CRTAC1: variants seen among roughly 807,000 people sequenced by gnomAD.
CRTAC1 encodes acidic secreted protein in cartilage.
A neutral mutation model predicts 67.8 loss-of-function variants in CRTAC1; 37 were observed. The ratio of observed to expected loss-of-function variants is 0.55; its 90% CI spans 0.42 to 0.72. The LOEUF (loss-of-function observed/expected upper bound fraction) is 0.72. Ranked by LOEUF, CRTAC1 falls within the 30% of genes least tolerant of loss-of-function variation. The pLI is 0.00. For missense variants in CRTAC1, 780 were observed against 931.6 expected, an observed-to-expected ratio of 0.84 and a Z score of 2.12; for synonymous variants, 348 against 371.0, an observed-to-expected ratio of 0.94 and a Z score of 0.71.
rs747662466 is a variant in CRTAC1, at chr10:98,011,148, C to T, written c.214G>A (p.Val72Ile). The change falls in exon 2 of 15, where the codon GTC (valine) becomes ATC (isoleucine). Residue 72 changes from valine (V) to isoleucine (I), a missense_variant. By Grantham distance (29) the Val-to-Ile change is conservative (BLOSUM62 3). Transcript: ENST00000370597. ...DVDHDGDFEI[V>I]VAGYNGPNLV... Reference sequence around the variant, plus strand: ...GTGGGAGGCACTTACCCCGCCACGACGATCTCAAAGTCCCCATCATGGTCC... The same window carrying T: ...GTGGGAGGCACTTACCCCGCCACGATGATCTCAAAGTCCCCATCATGGTCC... 15 of 1,613,988 alleles carry T rather than the reference C, an allele frequency of 9.3e-6. No homozygotes were observed. Among genetic ancestry groups the T allele is most frequent in the Admixed American group, 5.0e-5 (3 of 60,006 alleles).
At chr10:97,923,444 G>A (rs2136596605) in intron 3 of CRTAC1, 44 bp from the exon 4 acceptor site, 1 of 1,612,330 alleles carries the variant, frequency 6.2e-7, no homozygotes, top group Non-Finnish European at 8.5e-7. Context: ...AGTGGATCAG[G>A]GTCTTGGTTC....
chr10:97,917,775 G>T, intron 4 of CRTAC1, 119 bp from the exon 5 acceptor site: 2 of 731,020 alleles, frequency 2.7e-6, no homozygotes, highest in Admixed American at 3.7e-5. Context: ...TTCTCCCCAG[G>T]TCTGTTGCAA....
At chr10:98,011,637 A>G (rs1479659191) in intron 1 of CRTAC1, among the ~76,000 whole-genome samples, 1 of 152,144 alleles carries the variant, frequency 6.6e-6, no homozygotes, top group Non-Finnish European at 1.5e-5. Flanking sequence ...TACACTTATT[A>G]TTTATTGTGT....
chr10:97,895,793 C>T lies in CRTAC1; in HGVS notation c.1317+92G>A, dbSNP rs536679638. 3.0e-5 allele frequency: 32 copies of T among 1,071,588 alleles called. No homozygotes were observed. In the East Asian group the frequency reaches 7.0e-4, roughly 24 times the overall value. The allele number at this position is 1,071,588 out of a possible 1,614,324, so 66.4% of individuals were successfully genotyped here. On this transcript the variant is annotated intron_variant, in intron 10 of 14. Coordinates refer to ENST00000370597, the MANE Select transcript of CRTAC1 (RefSeq NM_018058.7). The surrounding 1 kb of genome is among the most constrained non-coding windows in gnomAD (Gnocchi z 4.2). ...GACTTCCATTACCCACCATGCTGGC[C>T]AAGCCAGCACCCCGGCACCTTGCCC...
At position 97,865,646 on chromosome 10, in the gene CRTAC1, C is replaced by T. The variant is rs1042260529; in HGVS notation, c.1888G>A (p.Ala630Thr). The change falls in exon 15 of 15, where the codon GCT becomes ACT. Residue 630 changes from alanine to threonine, a missense_variant. Ala to Thr is a moderately conservative substitution (Grantham distance 58, BLOSUM62 0). Coordinates refer to ENST00000370597, the MANE Select transcript of CRTAC1 (RefSeq NM_018058.7). ...PTAAAATAAA[A>T]AAAGAATAAP... is the part of the protein sequence containing the mutation. ...GCAGTGGCAGCTCCAGCAGCGGCAG[C>T]AGCAGCGGCAGTGGCAGCAGCAGCG... The T allele has an allele frequency of 1.4e-5, 23 of 1,611,768 alleles. No homozygotes were observed. Among genetic ancestry groups the T allele is most frequent in the Non-Finnish European group, 2.0e-5 (23 of 1,179,114 alleles).
At chr10:97,889,719 C>G (rs2050339347) in intron 11 of CRTAC1, among the ~76,000 whole-genome samples, 1 of 152,114 alleles carries the variant, frequency 6.6e-6, no homozygotes, top group Admixed American at 6.5e-5. Flanking sequence ...CGTGTACTCA[C>G]ACATGCGCAC....
chr10:97,882,760 T>G (rs767520670), intron 13 of CRTAC1, 26 bp downstream of exon 13: 7 of 1,613,408 alleles, frequency 4.3e-6, no homozygotes, highest in Admixed American at 1.7e-5. Context: ...CTCTACCCCA[T>G]GCCCTGGTGA....
chr10:98,008,445 C>A (rs973151494), intron 2 of CRTAC1, among the ~76,000 whole-genome samples: 12 of 151,688 alleles, frequency 7.9e-5, no homozygotes, highest in Non-Finnish European at 1.2e-4. Context: ...GGGCACCCAA[C>A]GGGTCTCCTG....
At chr10:97,991,890 T>A (rs1842466705) in intron 2 of CRTAC1, among the ~76,000 whole-genome samples, 1 of 152,244 alleles carries the variant, frequency 6.6e-6, no homozygotes, top group South Asian at 2.1e-4. Context: ...TCTGTTATTT[T>A]ACTATCTCTT....
At chr10:97,908,227 T>G in intron 5 of CRTAC1, 80 bp from the exon 6 acceptor site, 2 of 1,479,494 alleles carry the variant, frequency 1.4e-6, no homozygotes, top group Non-Finnish European at 1.9e-6. Flanking sequence ...CTCTGAGGCC[T>G]GAGGGGAACT....
chr10:97,916,949 C>A (rs545471071), intron 5 of CRTAC1, among the ~76,000 whole-genome samples: 1 of 148,600 alleles, frequency 6.7e-6, no homozygotes, highest in Admixed American at 6.6e-5. Context: ...GAGGGGAGAG[C>A]GTGCCTTCAA....
intron 8 of CRTAC1, among the ~76,000 whole-genome samples, chr10:97,898,468 A>G (rs2050491423): frequency 6.6e-6 from 1 of 152,242 alleles, no homozygotes; most frequent in Non-Finnish European, 1.5e-5. Flanking sequence ...GGGAGTGGGC[A>G]GCCTGAGGGT....
chr10:97,967,304 CTT>C (rs2051634297), intron 2 of CRTAC1, among the ~76,000 whole-genome samples: 1 of 152,222 alleles, frequency 6.6e-6, no homozygotes, highest in African/African-American at 2.4e-5. Context: ...TCCTCTGTCT[CTT>C]TGATTCATCC....
rs375135331 is a variant in CRTAC1 at position 98,011,274 on chromosome 10, G to A, written c.88C>T (p.Arg30Trp). 2.7e-5 allele frequency: 44 copies of A among 1,614,100 alleles called. No individual in the cohort carries two copies. The highest frequency in any genetic ancestry group is 1.1e-4 in the South Asian group (10 of 91,084). ...WFLPITEGSQRAEPMFTAVTN... is the reference protein window; with the variant it reads ...WFLPITEGSQWAEPMFTAVTN... ...ACTGCAGTGAACATGGGTTCAGCCCGCTGGGACCCCTCAGTGATGGGCAGA... is the reference window on the plus strand; with the variant it reads ...ACTGCAGTGAACATGGGTTCAGCCCACTGGGACCCCTCAGTGATGGGCAGA... Residue 30 changes from arginine to tryptophan, a missense_variant, in exon 2 of 15, where the codon CGG (arginine) becomes TGG (tryptophan). Arg to Trp is a moderately radical substitution (Grantham distance 101). Coordinates refer to ENST00000370597, the MANE Select transcript of CRTAC1 (RefSeq NM_018058.7).
intron 3 of CRTAC1, among the ~76,000 whole-genome samples, chr10:97,932,764 G>A (rs1464050302): frequency 3.3e-5 from 5 of 152,154 alleles, no homozygotes; most frequent in Non-Finnish European, 7.3e-5. Context: ...GATGGGAAGG[G>A]CTTTGGATAT....
Position 97,865,111 on chromosome 10 carries a change from C to T in CRTAC1, c.*437G>A, listed in dbSNP as rs2050004736. The T allele has an allele frequency of 6.4e-6, 1 of 156,804 alleles. No homozygotes were observed. Among genetic ancestry groups the T allele is most frequent in the Non-Finnish European group, 1.4e-5 (1 of 71,320 alleles). The allele number at this position is 156,804 out of a possible 1,614,324, so 9.7% of individuals were successfully genotyped here. On this transcript the variant is annotated 3_prime_UTR_variant, in exon 15 of 15. Coordinates refer to ENST00000370597, the MANE Select transcript of CRTAC1 (RefSeq NM_018058.7). ...CATTTAATCTAATCTCCACACTAACCCCAAGATTCTATTCTTAATCCCCAT... is the reference window on the plus strand; with the variant it reads ...CATTTAATCTAATCTCCACACTAACTCCAAGATTCTATTCTTAATCCCCAT...
At chr10:97,996,232 T>A (rs1432282008) in intron 2 of CRTAC1, among the ~76,000 whole-genome samples, 1 of 151,584 alleles carries the variant, frequency 6.6e-6, no homozygotes, top group Non-Finnish European at 1.5e-5. Flanking sequence ...AATTGACAAA[T>A]GGGATCTAAT....
At chr10:97,987,082 A>G (rs1330566898) in intron 2 of CRTAC1, among the ~76,000 whole-genome samples, 2 of 152,236 alleles carry the variant, frequency 1.3e-5, no homozygotes, top group African/African-American at 4.8e-5. Flanking sequence ...AGAGTTGCCA[A>G]AATCATTCAT....
chr10:97,977,783 A>G (rs1000111140), intron 2 of CRTAC1, among the ~76,000 whole-genome samples: 2 of 152,186 alleles, frequency 1.3e-5, no homozygotes, highest in Admixed American at 6.5e-5. Flanking sequence ...CAAGTTCCCT[A>G]TTGGAATTGA....
Sources: allele counts gnomAD v4.1 joint callset (sites outside exome capture counted in the v4.1 genomes callset), GRCh38; gene constraint gnomAD v4.1.1; non-coding constraint Gnocchi (gnomAD v3.1); transcripts MANE v1.5; gene names NCBI Gene and HGNC (gene_info 2026-07-23, HGNC 2026-07-21).